Variants in MTUS2 observed in about 807,000 individuals in gnomAD.
MTUS2 encodes the protein microtubule-associated tumor suppressor candidate 2.
MTUS2 carries 40 observed loss-of-function variants against 114.1 expected under a neutral mutation model. The observed-to-expected ratio is 0.35, with a 90% CI of 0.27 to 0.46. MTUS2 has a LOEUF of 0.46. MTUS2 is among the 20% of genes least tolerant of loss of function. MTUS2 has a pLI of 1.00. For synonymous variants in MTUS2, 688 were observed against 672.0 expected (o/e 1.02, Z -0.37); for missense variants, 1,679 against 1,705.4 (o/e 0.98, Z 0.27).
At chr13:29,291,476 T>G (rs1374719175) in intron 6 of MTUS2, among the ~76,000 whole-genome samples, 1 of 152,246 alleles carries the variant, frequency 6.6e-6, no homozygotes, top group Non-Finnish European at 1.5e-5. Context: ...AACAAACATT[T>G]GTTTACACAG....
At chr13:29,225,151 G>T (rs907619039) in intron 5 of MTUS2, among the ~76,000 whole-genome samples, 4 of 152,186 alleles carry the variant, frequency 2.6e-5, no homozygotes, top group Non-Finnish European at 4.4e-5. Context: ...CCTCCTGTAG[G>T]AGCCTGCCTG....
At chr13:28,912,303 C>A (rs757313612) in intron 2 of MTUS2, among the ~76,000 whole-genome samples, 1 of 152,054 alleles carries the variant, frequency 6.6e-6, no homozygotes, top group Admixed American at 6.6e-5. Flanking sequence ...CCAGGTTTGT[C>A]GAAGATCAGA....
chr13:28,926,167 A>G (rs1324861786), intron 2 of MTUS2, among the ~76,000 whole-genome samples: 3 of 152,228 alleles, frequency 2.0e-5, no homozygotes, highest in Admixed American at 1.3e-4. Context: ...TGAAGACACA[A>G]ATCCCAAGCT....
At chr13:29,401,686 T>C (rs946124051) in intron 8 of MTUS2, among the ~76,000 whole-genome samples, 1 of 152,212 alleles carries the variant, frequency 6.6e-6, no homozygotes, top group Non-Finnish European at 1.5e-5. Flanking sequence ...TTCTGGCTCT[T>C]TTTTTGTTCC....
rs1566174892 is a variant in MTUS2 at position 29,389,985 on chromosome 13, ATG to A, written c.3117+30516_3117+30517del. Among the ~76,000 whole-genome samples, 9 of 69,794 alleles carry A rather than the reference ATG, an allele frequency of 1.3e-4. 1 individual carries two copies. Among genetic ancestry groups the A allele is most frequent in the African/African-American group, 3.5e-4 (8 of 23,072 alleles). The allele number at this position is 69,794 out of a possible 152,430, so 45.8% of individuals were successfully genotyped here. ...TATCTGTGTATATACACATACATGT[ATG>A]TGTATGTATGTATGTGTATATATAC... On this transcript the variant is annotated intron_variant, in intron 8 of 15. Coordinates refer to ENST00000612955, the MANE Select transcript of MTUS2 (RefSeq NM_001033602.4).
At chr13:29,101,023 C>A in intron 5 of MTUS2, 53 bp downstream of exon 5, 2 of 1,464,158 alleles carry the variant, frequency 1.4e-6, no homozygotes, top group South Asian at 1.3e-5. Flanking sequence ...AACCGGCGCG[C>A]CTGTGTAACT....
chr13:29,497,708 C>T (rs1054318342), intron 13 of MTUS2: 1 of 225,916 alleles, frequency 4.4e-6, no homozygotes, highest in Non-Finnish European at 8.9e-6. Context: ...CTGCAGCATG[C>T]GTTCAGTTGA....
chr13:28,949,806 G>C (rs1882720409), intron 2 of MTUS2, among the ~76,000 whole-genome samples: 1 of 151,708 alleles, frequency 6.6e-6, no homozygotes, highest in African/African-American at 2.4e-5. Flanking sequence ...TTTTAAGGCT[G>C]AATGATATTC....
intron 5 of MTUS2, among the ~76,000 whole-genome samples, chr13:29,208,979 T>A (rs1441535538): frequency 6.6e-6 from 1 of 152,184 alleles, no homozygotes; most frequent in African/African-American, 2.4e-5. Context: ...GTTACTTTGT[T>A]GACTTTCTGT....
chr13:28,954,031 A>C (rs1421687787), intron 2 of MTUS2, among the ~76,000 whole-genome samples: 1 of 152,240 alleles, frequency 6.6e-6, no homozygotes, highest in African/African-American at 2.4e-5. Flanking sequence ...AATAGATCTC[A>C]GTATAAGTAA....
chr13:29,433,084 T>C (rs1450373044), intron 8 of MTUS2, among the ~76,000 whole-genome samples: 1 of 152,222 alleles, frequency 6.6e-6, no homozygotes, highest in African/African-American at 2.4e-5. Context: ...CCAGCATGAC[T>C]TCTTTGGATC....
chr13:29,206,106 G>A (rs1339064845), intron 5 of MTUS2, among the ~76,000 whole-genome samples: 1 of 152,138 alleles, frequency 6.6e-6, no homozygotes, highest in Non-Finnish European at 1.5e-5. Context: ...GGCCGTTCTT[G>A]CTGGAGTAAG....
intron 5 of MTUS2, among the ~76,000 whole-genome samples, chr13:29,177,920 C>G (rs1158208032): frequency 6.6e-6 from 1 of 152,194 alleles, no homozygotes; most frequent in East Asian, 1.9e-4. Flanking sequence ...CTGGTGCACT[C>G]TTGCTTGCTT....
chr13:28,895,207 G>A (rs555354363), intron 2 of MTUS2, among the ~76,000 whole-genome samples: 2 of 152,260 alleles, frequency 1.3e-5, no homozygotes, highest in East Asian at 3.9e-4. Context: ...AATACAGTGG[G>A]ACTCCCTTAG....
chr13:28,927,059 C>G (rs943244636), intron 2 of MTUS2, among the ~76,000 whole-genome samples: 1 of 152,172 alleles, frequency 6.6e-6, no homozygotes, highest in Non-Finnish European at 1.5e-5. Flanking sequence ...GATTTTGTTA[C>G]ACTTGTGGGA....
chr13:29,410,227 C>G (rs922189867), intron 8 of MTUS2, among the ~76,000 whole-genome samples: 4 of 151,898 alleles, frequency 2.6e-5, no homozygotes, highest in African/African-American at 9.7e-5. Context: ...TGGGTTCAAG[C>G]GATTCTCATG....
At chr13:29,191,769 T>G (rs1247206345) in intron 5 of MTUS2, among the ~76,000 whole-genome samples, 1 of 152,148 alleles carries the variant, frequency 6.6e-6, no homozygotes, top group Non-Finnish European at 1.5e-5. Context: ...AAGGCATATT[T>G]CCCCTGAGTG....
chr13:28,831,568 G>T (rs1307299113), intron 1 of MTUS2, among the ~76,000 whole-genome samples: 1 of 152,146 alleles, frequency 6.6e-6, no homozygotes, highest in African/African-American at 2.4e-5. Flanking sequence ...ATTACCTGTT[G>T]TTAAAGGGAT....
chr13:29,337,081 T>C (rs1415070103), intron 7 of MTUS2, among the ~76,000 whole-genome samples: 1 of 152,174 alleles, frequency 6.6e-6, no homozygotes, highest in Non-Finnish European at 1.5e-5. Flanking sequence ...TGCTGGGCTC[T>C]GTGGGGATGG....
Sources: allele counts gnomAD v4.1 joint callset (sites outside exome capture counted in the v4.1 genomes callset), GRCh38; gene constraint gnomAD v4.1.1; transcripts MANE v1.5; gene names NCBI Gene and HGNC (gene_info 2026-07-23, HGNC 2026-07-21).